IL20RA: variants seen among roughly 807,000 people sequenced by gnomAD.
IL20RA encodes interleukin 20 receptor subunit alpha.
A neutral mutation model predicts 36.5 loss-of-function variants in IL20RA; 29 were observed. The observed-to-expected ratio is 0.79, with a 90% CI of 0.59 to 1.08. The LOEUF (loss-of-function observed/expected upper bound fraction) is 1.08, where lower values mean the gene tolerates loss of function less well. IL20RA is among the 50% of genes least tolerant of loss of function. The pLI is 0.00. For missense variants in IL20RA, 652 were observed against 668.4 expected, an observed-to-expected ratio of 0.98 and a Z score of 0.27; for synonymous variants, 279 against 267.1, an observed-to-expected ratio of 1.04 and a Z score of -0.43.
intron 1 of IL20RA, among the ~76,000 whole-genome samples, chr6:137,018,252 A>G (rs371239): frequency 0.82 from 124,736 of 152,120 alleles, 56,542 homozygotes; most frequent in East Asian, 1. Flanking sequence ...GGTAATCCTT[A>G]GTTAAGATTA....
At chr6:137,005,265 A>G (rs529898923) in intron 5 of IL20RA, among the ~76,000 whole-genome samples, 1 of 152,328 alleles carries the variant, frequency 6.6e-6, no homozygotes, top group African/African-American at 2.4e-5. Context: ...TGAGTAGCAG[A>G]ACTGTTCTTG....
Position 137,001,582 on chromosome 6 carries a change from C to T in IL20RA, c.1638G>A (p.Gly546=). The T allele has an allele frequency of 6.3e-7, 1 of 1,578,128 alleles. No homozygotes were observed. Among genetic ancestry groups the T allele is most frequent in the Non-Finnish European group, 8.6e-7 (1 of 1,161,108 alleles). ...ATCAGTTTTCCATCTGCACATATAA[C>T]CCCCATTCCTCCATGAATTGCATGA... is the stretch of plus-strand genomic sequence containing the variant. ...TYLMQFMEEW[G]LYVQMEN is the part of the protein sequence containing the mutation. Residue 546 remains glycine, a synonymous_variant, in exon 7 of 7, where the codon GGG becomes GGA. Coordinates refer to ENST00000316649, the MANE Select transcript of IL20RA (RefSeq NM_014432.4).
rs879712425 is a variant in IL20RA, at chr6:137,016,981, C to T, written c.211G>A (p.Val71Met). 2 of 1,613,402 alleles carry T rather than the reference C, an allele frequency of 1.2e-6. No individual in the cohort carries two copies. The highest frequency in any genetic ancestry group is 1.7e-4 in the Middle Eastern group (1 of 6,058). Residue 71 changes from valine to methionine, a missense_variant, in exon 2 of 7, where the codon GTG becomes ATG. Val to Met is a conservative substitution (Grantham distance 21). Coordinates refer to ENST00000316649, the MANE Select transcript of IL20RA (RefSeq NM_014432.4). The part of the protein sequence containing the change: ...GLQGVKVTYT[V>M]QYFIYGQKKW... ...GAAGAAACTTACATGAAATACTGCA[C>T]AGTGTAAGTAACTTTAACTCCTTGA...
At chr6:137,009,202 G>T in intron 4 of IL20RA, 115 bp downstream of exon 4, 1 of 914,658 alleles carries the variant, frequency 1.1e-6, no homozygotes, top group Non-Finnish European at 1.8e-6. Context: ...CGTATCTTTT[G>T]AACATCATGA....
At chr6:137,026,297 G>C (rs1776087644) in intron 1 of IL20RA, among the ~76,000 whole-genome samples, 1 of 152,182 alleles carries the variant, frequency 6.6e-6, no homozygotes, top group South Asian at 2.1e-4. Context: ...AAATGCTTTG[G>C]AAATGAACTG....
Position 137,007,572 on chromosome 6 carries a change from T to C in IL20RA, c.724+1027A>G, listed in dbSNP as rs541663419. ...ACTTTAGGATGTATTTTTTTTCAATTTTCAAGTTTTTAGTTAAAGCTCCTC... is the reference window on the plus strand; with the variant it reads ...ACTTTAGGATGTATTTTTTTTCAATCTTCAAGTTTTTAGTTAAAGCTCCTC... On this transcript the variant is annotated intron_variant, in intron 5 of 6. Transcript: ENST00000316649. Among the ~76,000 whole-genome samples the C allele has an allele frequency of 2.6e-5, 4 of 152,318 alleles. No individual in the cohort carries two copies. In the South Asian group the frequency reaches 8.3e-4, roughly 32 times the overall value.
chr6:137,035,180 A>G (rs1044567857), intron 1 of IL20RA, among the ~76,000 whole-genome samples: 5 of 152,164 alleles, frequency 3.3e-5, no homozygotes, highest in Non-Finnish European at 7.3e-5. Context: ...CCTACTTATG[A>G]CTACTGATTG....
chr6:137,005,550 T>C (rs1775249353), intron 5 of IL20RA, among the ~76,000 whole-genome samples: 1 of 152,184 alleles, frequency 6.6e-6, no homozygotes. Flanking sequence ...GTGGTATACT[T>C]GGAAGTTGTG....
chr6:137,044,874 C>T lies in IL20RA; in HGVS notation c.-146G>A, dbSNP rs1287977080. ...GGCGACCTGAGTCCCAGGGCGCCTC[C>T]GCCACAGCCGCGTCCCCCAGGCTTC... On this transcript the variant is annotated 5_prime_UTR_variant, in exon 1 of 7. Transcript: ENST00000316649. The T allele has an allele frequency of 4.4e-6, 3 of 684,474 alleles. No individual in the cohort carries two copies. The highest frequency in any genetic ancestry group is 6.0e-6 in the Non-Finnish European group (3 of 501,038). 42.4% of individuals were successfully genotyped at this position (684,474 alleles called of 1,614,324 possible). A position where few individuals can be genotyped will look rare whatever the true frequency, so the allele number is the denominator to read the frequency against.
intron 2 of IL20RA, 105 bp downstream of exon 2, chr6:137,016,858 TTTCTC>T (rs1775706465): frequency 9.9e-7 from 1 of 1,011,176 alleles, no homozygotes; most frequent in South Asian, 1.6e-5. Context: ...ATCTAAAACT[TTTCTC>T]TTTTTCAAAC....
intron 1 of IL20RA, among the ~76,000 whole-genome samples, chr6:137,025,652 A>C (rs1582832566): frequency 6.6e-6 from 1 of 152,332 alleles, no homozygotes; most frequent in African/African-American, 2.4e-5. Context: ...ATTTATCATT[A>C]GTGGAGTTTT....
At chr6:137,044,142 C>A in intron 1 of IL20RA, 1 of 985,726 alleles carries the variant, frequency 1.0e-6, no homozygotes, top group Non-Finnish European at 1.2e-6. Flanking sequence ...CTGACCCTTT[C>A]GGGGAGTTTG....
At chr6:137,017,426 A>G (rs373123771) in intron 1 of IL20RA, among the ~76,000 whole-genome samples, 51 of 152,328 alleles carry the variant, frequency 3.3e-4, no homozygotes, top group East Asian at 1.3e-3. Flanking sequence ...AGGGGCCACA[A>G]TGAAGTTACT....
In IL20RA at chr6:137,000,771, C is replaced by G. The variant is rs1775007055; in HGVS notation, c.*787G>C. On this transcript the variant is annotated 3_prime_UTR_variant, in exon 7 of 7. Coordinates refer to ENST00000316649, the MANE Select transcript of IL20RA (RefSeq NM_014432.4). ...TCTAGTTTACAGACTATGTAAATAT[C>G]TTTTTGAAAACACACTTCCAGAAAT... 6.6e-6 allele frequency: 1 copy of G among 152,134 alleles called. No individual in the cohort carries two copies. The highest frequency in any genetic ancestry group is 6.5e-5 in the Admixed American group (1 of 15,274). 9.4% of individuals were successfully genotyped at this position (152,134 alleles called of 1,614,324 possible). A position where few individuals can be genotyped will look rare whatever the true frequency, so the allele number is the denominator to read the frequency against.
chr6:137,004,837 T>G, intron 5 of IL20RA, 77 bp from the exon 6 acceptor site: 1 of 1,371,682 alleles, frequency 7.3e-7, no homozygotes, highest in South Asian at 1.3e-5. Context: ...GGGAAAAACC[T>G]CGTATCGTTA....
At chr6:137,035,183 AC>A (rs1252968834) in intron 1 of IL20RA, among the ~76,000 whole-genome samples, 2 of 152,200 alleles carry the variant, frequency 1.3e-5, no homozygotes, top group Admixed American at 1.3e-4. Context: ...ACTTATGACT[AC>A]TGATTGAATT....
At chr6:137,044,375 C>T in intron 1 of IL20RA, 2 of 1,071,008 alleles carry the variant, frequency 1.9e-6, no homozygotes, top group Non-Finnish European at 2.3e-6. Flanking sequence ...CCCACCCCAC[C>T]TCAATTCTCG....
Position 137,007,508 on chromosome 6 carries a change from C to T in IL20RA, c.724+1091G>A, listed in dbSNP as rs376389100. Among the ~76,000 whole-genome samples the T allele has an allele frequency of 3.0e-4, 46 of 152,182 alleles. 2 individuals carry two copies. The highest frequency in any genetic ancestry group is 1.3e-3 in the Admixed American group (20 of 15,270). ...CTAGACCAGCTGTTTGGAAAAGAAGCGGAGGAATAATGGATGAAGAGCCCT... is the reference window on the plus strand; with the variant it reads ...CTAGACCAGCTGTTTGGAAAAGAAGTGGAGGAATAATGGATGAAGAGCCCT... On this transcript the variant is annotated intron_variant, in intron 5 of 6. Coordinates refer to ENST00000316649, the MANE Select transcript of IL20RA (RefSeq NM_014432.4).
chr6:137,000,037 C>T lies in IL20RA; in HGVS notation c.*1521G>A, dbSNP rs575505321. The T allele has an allele frequency of 4.6e-5, 7 of 152,340 alleles. No homozygotes were observed. In the South Asian group the frequency reaches 1.5e-3, roughly 32 times the overall value. 9.4% of individuals were successfully genotyped at this position (152,340 alleles called of 1,614,324 possible). On this transcript the variant is annotated 3_prime_UTR_variant, in exon 7 of 7. Coordinates refer to ENST00000316649, the MANE Select transcript of IL20RA (RefSeq NM_014432.4). Reference sequence around the variant, plus strand: ...TTTATTCTTTCTCACTCTTGAACTACTTTTACAGTTAGTGTAATACATCTG... The same window carrying T: ...TTTATTCTTTCTCACTCTTGAACTATTTTTACAGTTAGTGTAATACATCTG...
Sources: allele counts gnomAD v4.1 joint callset (sites outside exome capture counted in the v4.1 genomes callset), GRCh38; gene constraint gnomAD v4.1.1; transcripts MANE v1.5; gene names NCBI Gene and HGNC (gene_info 2026-07-23, HGNC 2026-07-21).